The following APOF variants were observed in gnomAD, a reference collection of about 807,000 sequenced individuals.
APOF encodes the protein lipid transfer inhibitor protein.
In APOF, 2 loss-of-function variants were observed where a neutral mutation model predicts 2.4. That is an observed-to-expected ratio of 0.83 (90% CI 0.34 to 2.61). The LOEUF (loss-of-function observed/expected upper bound fraction) is 2.61. APOF is among the 30% of genes most tolerant of loss of function. APOF has a pLI of 0.11. For missense variants in APOF, 370 were observed against 388.7 expected (o/e 0.95, Z 0.40); for synonymous variants, 149 against 155.6 (o/e 0.96, Z 0.32).
rs967954043 is a variant in APOF at position 56,360,896 on chromosome 12, A to G, written c.*329T>C. The stretch of plus-strand genomic sequence containing the variant: ...CACCGCACCTGGCTAATAGCTATTT[A>G]TTGAAAGTACTGTGATAAGCATTTT... On this transcript the variant is annotated 3_prime_UTR_variant, in exon 2 of 2. Transcript: ENST00000398189. 1 of 296,322 alleles carries G rather than the reference A, an allele frequency of 3.4e-6. No homozygotes were observed. Among genetic ancestry groups the G allele is most frequent in the Admixed American group, 4.9e-5 (1 of 20,462 alleles). 18.4% of individuals were successfully genotyped at this position (296,322 alleles called of 1,614,324 possible).
intron 1 of APOF, among the ~76,000 whole-genome samples, chr12:56,362,508 A>G (rs1880428719): frequency 6.6e-6 from 1 of 152,078 alleles, no homozygotes; most frequent in African/African-American, 2.4e-5. Context: ...GGCCCAGCCT[A>G]GTTCTGAACT....
In APOF at chr12:56,361,179, C is replaced by T. The variant is rs768457960; in HGVS notation, c.*46G>A. ...TAAAATTTTGAAGACATGTATATAG[C>T]TTGTCAGGGTAGTACAGTTATTAAT... On this transcript the variant is annotated 3_prime_UTR_variant, in exon 2 of 2. Transcript: ENST00000398189. The T allele has an allele frequency of 4.5e-6, 7 of 1,570,210 alleles. No homozygotes were observed. Among genetic ancestry groups the T allele is most frequent in the African/African-American group, 1.4e-5 (1 of 73,328 alleles).
rs1880348384 is a variant in APOF, at chr12:56,361,567, T to A, written c.639A>T (p.Arg213=). Reference sequence around the variant, plus strand: ...CCAGATCTATGGCCCCATCTCGGCCTCGTTCCCTGGCCTTGCCCAGGCAGT... The same window carrying A: ...CCAGATCTATGGCCCCATCTCGGCCACGTTCCCTGGCCTTGCCCAGGCAGT... ...TQNCLGKARE[R]GRDGAIDLGY... is the part of the protein sequence containing the mutation. Residue 213 remains arginine (R), a synonymous_variant, in exon 2 of 2, where the codon CGA becomes CGT. Coordinates refer to ENST00000398189, the MANE Select transcript of APOF (RefSeq NM_001638.4). 1.2e-6 allele frequency: 2 copies of A among 1,614,038 alleles called. No individual in the cohort carries two copies. Among genetic ancestry groups the A allele is most frequent in the Non-Finnish European group, 8.5e-7 (1 of 1,179,894 alleles).
At position 56,362,801 on chromosome 12, in the gene APOF, G is replaced by C. The variant is rs1880435520; in HGVS notation, c.-56C>G. On this transcript the variant is annotated 5_prime_UTR_variant, in exon 1 of 2. Coordinates refer to ENST00000398189, the MANE Select transcript of APOF (RefSeq NM_001638.4). ...TCGCTTCCTGATCCTGTTCTGCCTA[G>C]TTCTGTGTCCCATGAGGAAAGGAGA... 8 of 1,600,596 alleles carry C rather than the reference G, an allele frequency of 5.0e-6. No individual in the cohort carries two copies. Among genetic ancestry groups the C allele is most frequent in the African/African-American group, 1.3e-5 (1 of 74,652 alleles).
chr12:56,361,149 C>T lies in APOF; in HGVS notation c.*76G>A. 1 of 1,489,306 alleles carries T rather than the reference C, an allele frequency of 6.7e-7. No individual in the cohort carries two copies. Among genetic ancestry groups the T allele is most frequent in the South Asian group, 1.3e-5 (1 of 75,538 alleles). 92.3% of individuals were successfully genotyped at this position (1,489,306 alleles called of 1,614,324 possible). On this transcript the variant is annotated 3_prime_UTR_variant, in exon 2 of 2. Transcript: ENST00000398189. ...TGTACAGCCTTCCTCCTGGATAAAT[C>T]AGATTAAAATTTTGAAGACATGTAT...
chr12:56,362,582 C>T (rs878892500), intron 1 of APOF, 148 bp downstream of exon 1: 21 of 758,354 alleles, frequency 2.8e-5, no homozygotes, highest in Non-Finnish European at 3.6e-5. Context: ...TGTGAGCCAC[C>T]GCGCCTGGCC....
In APOF at chr12:56,361,152, A is replaced by G. The variant is rs1006767357; in HGVS notation, c.*73T>C. 16 of 1,499,474 alleles carry G rather than the reference A, an allele frequency of 1.1e-5. No individual in the cohort carries two copies. In the African/African-American group the frequency reaches 1.7e-4, roughly 16 times the overall value. 92.9% of individuals were successfully genotyped at this position (1,499,474 alleles called of 1,614,324 possible). A position where few individuals can be genotyped will look rare whatever the true frequency, so the allele number is the denominator to read the frequency against. ...ACAGCCTTCCTCCTGGATAAATCAG[A>G]TTAAAATTTTGAAGACATGTATATA... On this transcript the variant is annotated 3_prime_UTR_variant, in exon 2 of 2. Transcript: ENST00000398189.
rs528033553 is a variant in APOF at position 56,360,853 on chromosome 12, G to A, written c.*372C>T. On this transcript the variant is annotated 3_prime_UTR_variant, in exon 2 of 2. Coordinates refer to ENST00000398189, the MANE Select transcript of APOF (RefSeq NM_001638.4). ...TCCCGCCTCAGCCTCTCACAGTGCT[G>A]GGATTACAGGCGTGAGCCACCGCAC... is the stretch of plus-strand genomic sequence containing the variant. 120 of 237,948 alleles carry A rather than the reference G, an allele frequency of 5.0e-4. No individual in the cohort carries two copies. Among genetic ancestry groups the A allele is most frequent in the African/African-American group, 2.4e-3 (105 of 43,288 alleles). The allele number at this position is 237,948 out of a possible 1,614,324, so 14.7% of individuals were successfully genotyped here.
chr12:56,362,063 T>A lies in APOF; in HGVS notation c.143A>T (p.His48Leu). Reference protein sequence around the residue: ...SYGKQTNVLMHFPLSLESQTP... With the variant: ...SYGKQTNVLMLFPLSLESQTP... ...CTGGGATTCCAAGGACAAGGGAAAG[T>A]GCATCAAGACATTTGTCTGCTTTCC... The change falls in exon 2 of 2, where the codon CAC becomes CTC. Residue 48 changes from histidine to leucine, a missense_variant. By Grantham distance (99) the His-to-Leu change is moderately conservative. Transcript: ENST00000398189. 1.2e-6 allele frequency: 2 copies of A among 1,613,918 alleles called. No individual in the cohort carries two copies. The highest frequency in any genetic ancestry group is 1.6e-4 in the Middle Eastern group (1 of 6,062).
chr12:56,361,109 G>A lies in APOF; in HGVS notation c.*116C>T, dbSNP rs901493777. On this transcript the variant is annotated 3_prime_UTR_variant, in exon 2 of 2. Transcript: ENST00000398189. Reference sequence around the variant, plus strand: ...GTGACTTCAACACCCAAACATTTACGTTCTTACGTTTTACTGTACAGCCTT... The same window carrying A: ...GTGACTTCAACACCCAAACATTTACATTCTTACGTTTTACTGTACAGCCTT... The A allele has an allele frequency of 5.2e-5, 67 of 1,277,964 alleles. 1 individual carries two copies. The highest frequency in any genetic ancestry group is 4.6e-4 in the South Asian group (30 of 65,048). The allele number at this position is 1,277,964 out of a possible 1,614,324, so 79.2% of individuals were successfully genotyped here. A position where few individuals can be genotyped will look rare whatever the true frequency, so the allele number is the denominator to read the frequency against.
In APOF at chr12:56,361,043, G is replaced by T; in HGVS notation, c.*182C>A. ...AAGAAGTTACTATTCAGTGATCACC[G>T]AGGCTCTAACAAGTGGAGCCTAGAT... On this transcript the variant is annotated 3_prime_UTR_variant, in exon 2 of 2. Coordinates refer to ENST00000398189, the MANE Select transcript of APOF (RefSeq NM_001638.4). 1.6e-6 allele frequency: 1 copy of T among 632,570 alleles called. No homozygotes were observed. 39.2% of individuals were successfully genotyped at this position (632,570 alleles called of 1,614,324 possible).
chr12:56,361,462 T>G lies in APOF; in HGVS notation c.744A>C (p.Ala248=), dbSNP rs373590737. The G allele has an allele frequency of 1.5e-5, 24 of 1,613,968 alleles. 1 individual carries two copies. The highest frequency in any genetic ancestry group is 2.0e-5 in the Non-Finnish European group (24 of 1,179,914). ...TCAACTGCTGAACCCCAGACCTTAA[T>G]GCAGGTTTAAGTGCAGCACTGATCG... ...GLAISAALKP[A]LRSGVQQLIQ... is the part of the protein sequence containing the mutation. Residue 248 remains alanine, a synonymous_variant, in exon 2 of 2, where the codon GCA becomes GCC. Coordinates refer to ENST00000398189, the MANE Select transcript of APOF (RefSeq NM_001638.4).
At position 56,361,217 on chromosome 12, in the gene APOF, A is replaced by G. The variant is rs1880306349; in HGVS notation, c.*8T>C. The stretch of plus-strand genomic sequence containing the variant: ...TACAGTTATTAATTCTGTGGTTACC[A>G]CATTCTTTTATATCTCAAGACTCCC... On this transcript the variant is annotated 3_prime_UTR_variant, in exon 2 of 2. Coordinates refer to ENST00000398189, the MANE Select transcript of APOF (RefSeq NM_001638.4). The G allele has an allele frequency of 1.2e-6, 2 of 1,609,166 alleles. No individual in the cohort carries two copies. Among genetic ancestry groups the G allele is most frequent in the Non-Finnish European group, 1.7e-6 (2 of 1,177,438 alleles).
rs1202288652 is a variant in APOF, at chr12:56,361,827, G to T, written c.379C>A (p.Leu127Ile). ...CTTCTGCCTTTCTGGAGCCCTCGAA[G>T]ATGCTGGATGAGGACCTGTGTAGCA... is the stretch of plus-strand genomic sequence containing the variant. ...VNATQVLIQH[L>I]RGLQKGRSTE... The change falls in exon 2 of 2, where the codon CTT becomes ATT. Residue 127 changes from leucine to isoleucine, a missense_variant. Transcript: ENST00000398189. 6.2e-7 allele frequency: 1 copy of T among 1,613,456 alleles called. No individual in the cohort carries two copies. Among genetic ancestry groups the T allele is most frequent in the Admixed American group, 1.7e-5 (1 of 59,884 alleles).
rs1400767239 is a variant in APOF, at chr12:56,361,990, T to C, written c.216A>G (p.Ser72=). ...PLSCQFLHPK[S]LPGFSHMAPL... Reference sequence around the variant, plus strand: ...GGGCCATGTGGCTGAAACCAGGCAGTGACTTTGGGTGCAGAAATTGGCAGG... The same window carrying C: ...GGGCCATGTGGCTGAAACCAGGCAGCGACTTTGGGTGCAGAAATTGGCAGG... Residue 72 remains serine, a synonymous_variant, in exon 2 of 2, where the codon TCA becomes TCG. Transcript: ENST00000398189. 2 of 1,613,798 alleles carry C rather than the reference T, an allele frequency of 1.2e-6. No individual in the cohort carries two copies. The highest frequency in any genetic ancestry group is 2.7e-5 in the African/African-American group (2 of 74,888).
rs369036295 is a variant in APOF, at chr12:56,362,070, A to G, written c.136T>C (p.Leu46=). Residue 46 remains leucine, a synonymous_variant, in exon 2 of 2, where the codon TTG becomes CTG. Transcript: ENST00000398189. ...ATSYGKQTNV[L]MHFPLSLESQ... ...TCCAAGGACAAGGGAAAGTGCATCA[A>G]GACATTTGTCTGCTTTCCATATGAA... 2.5e-6 allele frequency: 4 copies of G among 1,613,974 alleles called. No homozygotes were observed. Among genetic ancestry groups the G allele is most frequent in the Non-Finnish European group, 8.5e-7 (1 of 1,179,868 alleles).
At position 56,361,712 on chromosome 12, in the gene APOF, G is replaced by A. The variant is rs1238223392; in HGVS notation, c.494C>T (p.Ser165Phe). ...EQQSTGRVGRSLPTEDCENEK... is the reference protein window; with the variant it reads ...EQQSTGRVGRFLPTEDCENEK... ...ATTCTCACAGTCCTCTGTCGGGAGG[G>A]AGCGCCCGACCCTTCCTGTGCTTTG... is the stretch of plus-strand genomic sequence containing the variant. The change falls in exon 2 of 2, where the codon TCC (serine) becomes TTC (phenylalanine). Residue 165 changes from serine to phenylalanine, a missense_variant. Physicochemically the swap from Ser to Phe is radical, Grantham distance 155 (BLOSUM62 -2). Transcript: ENST00000398189. 2 of 1,609,590 alleles carry A rather than the reference G, an allele frequency of 1.2e-6. No individual in the cohort carries two copies. The highest frequency in any genetic ancestry group is 8.5e-7 in the Non-Finnish European group (1 of 1,178,062).
In APOF at chr12:56,360,951, G is replaced by T; in HGVS notation, c.*274C>A. 1 of 448,954 alleles carries T rather than the reference G, an allele frequency of 2.2e-6. No individual in the cohort carries two copies. Among genetic ancestry groups the T allele is most frequent in the Non-Finnish European group, 4.0e-6 (1 of 251,644 alleles). 27.8% of individuals were successfully genotyped at this position (448,954 alleles called of 1,614,324 possible). A position where few individuals can be genotyped will look rare whatever the true frequency, so the allele number is the denominator to read the frequency against. On this transcript the variant is annotated 3_prime_UTR_variant, in exon 2 of 2. Transcript: ENST00000398189. ...TCATTGTATCATTTTAAATTTACAG[G>T]GCAACTCATTGAGGTTAAAATCATT...
At position 56,361,935 on chromosome 12, in the gene APOF, G is replaced by A. The variant is rs1479274014; in HGVS notation, c.271C>T (p.Leu91=). ...CCAGCTTCCTCCAGGGCATTCCTTA[G>A]AGCCAGGCTTACCAAGAACTTGGGT... is the stretch of plus-strand genomic sequence containing the variant. ...PLPKFLVSLA[L]RNALEEAGCQ... Residue 91 remains leucine, a synonymous_variant, in exon 2 of 2, where the codon CTA becomes TTA. Transcript: ENST00000398189. 6 of 1,613,858 alleles carry A rather than the reference G, an allele frequency of 3.7e-6. No homozygotes were observed. The Admixed American group carries it at 5.0e-5, about 13-fold the overall frequency.
Sources: allele counts gnomAD v4.1 joint callset (sites outside exome capture counted in the v4.1 genomes callset), GRCh38; gene constraint gnomAD v4.1.1; transcripts MANE v1.5; gene names NCBI Gene and HGNC (gene_info 2026-07-23, HGNC 2026-07-21).